GSAP: variants seen among roughly 807,000 people sequenced by gnomAD.
GSAP encodes the protein gamma-secretase-activating protein.
GSAP carries 118 observed loss-of-function variants against 131.7 expected under a neutral mutation model. The observed-to-expected ratio is 0.90, with a 90% CI of 0.77 to 1.04. The LOEUF is 1.04. Ranked by LOEUF, GSAP falls within the 50% of genes least tolerant of loss-of-function variation. The probability of loss-of-function intolerance (pLI) is 0.00; values close to 1 mark genes in which losing one functional copy is unlikely to be tolerated. For missense variants in GSAP, 1,019 were observed against 1,013.2 expected (o/e 1.01, Z -0.08); for synonymous variants, 381 against 363.4 (o/e 1.05, Z -0.55).
At chr7:77,378,358 C>G (rs920114869) in intron 8 of GSAP, among the ~76,000 whole-genome samples, 2 of 152,062 alleles carry the variant, frequency 1.3e-5, no homozygotes, top group Non-Finnish European at 2.9e-5. Context: ...GTGGTGCATG[C>G]CTGTAATCCC....
At chr7:77,413,634 G>A (rs192030755) in intron 1 of GSAP, among the ~76,000 whole-genome samples, 72 of 152,328 alleles carry the variant, frequency 4.7e-4, no homozygotes, top group African/African-American at 1.7e-3. Context: ...TATGTTTAAA[G>A]TTCACAGGCA....
intron 19 of GSAP, among the ~76,000 whole-genome samples, chr7:77,336,796 CTTATT>C (rs1276533112): frequency 6.6e-6 from 1 of 152,040 alleles, no homozygotes; most frequent in Admixed American, 6.6e-5. Flanking sequence ...CCAGTATCAT[CTTATT>C]TTTTTAAATC....
At chr7:77,334,851 G>A (rs571789050) in intron 19 of GSAP, among the ~76,000 whole-genome samples, 69 of 150,442 alleles carry the variant, frequency 4.6e-4, no homozygotes, top group African/African-American at 1.6e-3. Context: ...TTGGGAGACC[G>A]AGGCGGGTGG....
intron 12 of GSAP, among the ~76,000 whole-genome samples, chr7:77,368,515 T>G (rs1314296687): frequency 6.6e-6 from 1 of 152,204 alleles, no homozygotes; most frequent in Non-Finnish European, 1.5e-5. Flanking sequence ...ATGCCCAGGT[T>G]CCACATCAGA....
chr7:77,335,300 C>T (rs934190028), intron 19 of GSAP, among the ~76,000 whole-genome samples: 4 of 152,044 alleles, frequency 2.6e-5, no homozygotes, highest in African/African-American at 9.6e-5. Flanking sequence ...ACTTGGAAGG[C>T]TGAGATGGAT....
rs1294207714 is a variant in GSAP at position 77,329,371 on chromosome 7, A to G, written c.1695T>C (p.Ser565=). 1.3e-6 allele frequency: 2 copies of G among 1,586,682 alleles called. No individual in the cohort carries two copies. Among genetic ancestry groups the G allele is most frequent in the African/African-American group, 1.3e-5 (1 of 74,202 alleles). ...ISEEKTGKRR[S]AAYVRNILDN... is the part of the protein sequence containing the mutation. Reference sequence around the variant, plus strand: ...CAAGAATATTCCTCACGTATGCCGCAGACCTTCTTTTTCCTGTTTTCTAGG... The same window carrying G: ...CAAGAATATTCCTCACGTATGCCGCGGACCTTCTTTTTCCTGTTTTCTAGG... The change falls in exon 21 of 31, where the codon TCT becomes TCC. Residue 565 remains serine (S), a synonymous_variant. Coordinates refer to ENST00000257626, the MANE Select transcript of GSAP (RefSeq NM_017439.4).
At chr7:77,389,697 G>T (rs1180312371) in intron 5 of GSAP, among the ~76,000 whole-genome samples, 1 of 152,108 alleles carries the variant, frequency 6.6e-6, no homozygotes, top group Non-Finnish European at 1.5e-5. Flanking sequence ...TGGACATTTG[G>T]GTTGGTTCCA....
chr7:77,367,058 T>C (rs1360079193), intron 12 of GSAP, among the ~76,000 whole-genome samples: 1 of 152,220 alleles, frequency 6.6e-6, no homozygotes, highest in Admixed American at 6.5e-5. Flanking sequence ...TGCTAGAGAT[T>C]TCTGTACATT....
At chr7:77,391,566 G>A (rs116439829) in intron 5 of GSAP, among the ~76,000 whole-genome samples, 3 of 152,190 alleles carry the variant, frequency 2.0e-5, no homozygotes, top group Admixed American at 6.6e-5. Context: ...GCTCACGCCT[G>A]TAATCCCAAC....
At chr7:77,370,089 T>A (rs1410359635) in intron 12 of GSAP, among the ~76,000 whole-genome samples, 3 of 152,016 alleles carry the variant, frequency 2.0e-5, no homozygotes, top group Non-Finnish European at 1.5e-5. Context: ...GAAATTCCTG[T>A]GGAAATAGAA....
At chr7:77,332,502 G>C (rs1789312965) in intron 19 of GSAP, among the ~76,000 whole-genome samples, 1 of 152,154 alleles carries the variant, frequency 6.6e-6, no homozygotes, top group Non-Finnish European at 1.5e-5. Flanking sequence ...CAGTGGACAG[G>C]CTTTCCAGGG....
chr7:77,374,128 A>G lies in GSAP; in HGVS notation c.813T>C (p.His271=), dbSNP rs775657788. The change falls in exon 12 of 31, where the codon CAT becomes CAC. Residue 271 remains histidine, a synonymous_variant. Coordinates refer to ENST00000257626, the MANE Select transcript of GSAP (RefSeq NM_017439.4). ...GTTTGGAAAATTTATCTCGGTATTG[A>G]TGATAATCACATCCAAAGTTGACAA... The part of the protein sequence containing the change: ...FKLVNFGCDY[H]QYRDKFSKHL... 3.7e-5 allele frequency: 59 copies of G among 1,590,444 alleles called. No homozygotes were observed. The highest frequency in any genetic ancestry group is 1.7e-4 in the Middle Eastern group (1 of 6,030).
chr7:77,374,950 CAG>C lies in GSAP; in HGVS notation c.785+106_785+107del, dbSNP rs1240017615. The stretch of plus-strand genomic sequence containing the variant: ...ATGGGAATACAAAAAAAGATGCACA[CAG>C]AATATCAAACTCTCTTTTTATCTGC... On this transcript the variant is annotated intron_variant, in intron 11 of 30. Coordinates refer to ENST00000257626, the MANE Select transcript of GSAP (RefSeq NM_017439.4). The C allele has an allele frequency of 5.5e-6, 3 of 549,822 alleles. No homozygotes were observed. The African/African-American group carries it at 5.9e-5, about 11-fold the overall frequency. The allele number at this position is 549,822 out of a possible 1,614,324, so 34.1% of individuals were successfully genotyped here.
rs533755073 is a variant in GSAP, at chr7:77,377,237, T to TAAAAAAAAAA, written c.681+39_681+48dup. 2.3e-4 allele frequency: 207 copies of TAAAAAAAAAA among 894,364 alleles called. 7 individuals are homozygous for TAAAAAAAAAA. Among genetic ancestry groups the TAAAAAAAAAA allele is most frequent in the African/African-American group, 5.4e-4 (21 of 38,552 alleles). 55.4% of individuals were successfully genotyped at this position (894,364 alleles called of 1,614,324 possible). ...GTCTCTAAAAAAATTAATATTTTTG[T>TAAAAAAAAAA]AAAAAAAAAAAAAAAAAAAAAGGAG... is the stretch of plus-strand genomic sequence containing the variant. On this transcript the variant is annotated intron_variant, in intron 9 of 30. Transcript: ENST00000257626.
intron 19 of GSAP, 191 bp from the exon 20 acceptor site, chr7:77,330,558 CTTCA>C (rs1407066578): frequency 3.2e-5 from 35 of 1,084,112 alleles, no homozygotes; most frequent in Non-Finnish European, 4.0e-5. Context: ...TCTTTACCCA[CTTCA>C]TTTTCTGTCT....
At chr7:77,376,164 A>C (rs972134096) in intron 10 of GSAP, among the ~76,000 whole-genome samples, 1 of 152,320 alleles carries the variant, frequency 6.6e-6, no homozygotes, top group East Asian at 1.9e-4. Flanking sequence ...TATCTCTTAC[A>C]GACCCCATCA....
In GSAP at chr7:77,381,607, T is replaced by C. The variant is rs144457091; in HGVS notation, c.527-253A>G. ...TCTGCTCCTCAATATCAACAATACA[T>C]GAAGTATTTAGCCCTCCTGCTTCCC... is the stretch of plus-strand genomic sequence containing the variant. On this transcript the variant is annotated intron_variant, in intron 7 of 30. Transcript: ENST00000257626. 6.5e-4 allele frequency among the ~76,000 whole-genome samples: 99 copies of C among 152,316 alleles called. 1 individual carries two copies. The East Asian group carries it at 0.019, about 29-fold the overall frequency.
intron 1 of GSAP, among the ~76,000 whole-genome samples, chr7:77,413,624 T>C (rs1466237724): frequency 6.6e-6 from 1 of 152,226 alleles, no homozygotes; most frequent in Non-Finnish European, 1.5e-5. Flanking sequence ...ATGCATACAG[T>C]ATGTTTAAAG....
chr7:77,314,593 G>A, intron 26 of GSAP, 104 bp from the exon 27 acceptor site: 10 of 1,263,436 alleles, frequency 7.9e-6, no homozygotes, highest in East Asian at 2.4e-5. Context: ...TCAGTGCTTG[G>A]TGCCTGGAAC....
Sources: gnomAD v4.1 joint callset for allele counts (sites outside exome capture counted in the v4.1 genomes callset) on GRCh38, gnomAD v4.1.1 for gene constraint, MANE v1.5 for transcripts, NCBI Gene and HGNC (gene_info 2026-07-23, HGNC 2026-07-21) for gene names.